Variants in SPNS3 observed in about 807,000 individuals in gnomAD.
SPNS3 encodes SPNS lysolipid transporter 3, sphingosine-1-phosphate (putative), also known as protein spinster homolog 3.
Under a neutral mutation model 54.4 loss-of-function variants are expected in SPNS3, and 51 were observed. The ratio of observed to expected loss-of-function variants is 0.94; its 90% CI spans 0.75 to 1.18. The LOEUF (loss-of-function observed/expected upper bound fraction) is 1.18, where lower values mean the gene tolerates loss of function less well. SPNS3 is among the 50% of genes most tolerant of loss of function. The pLI, the probability that SPNS3 is intolerant of heterozygous loss-of-function variation, is 0.00. For synonymous variants in SPNS3, 309 were observed against 294.7 expected (o/e 1.05, Z -0.50); for missense variants, 669 against 677.4 (o/e 0.99, Z 0.14).
Position 4,486,495 on chromosome 17 carries a change from C to T in SPNS3, c.1362C>T (p.Ala454=). The T allele has an allele frequency of 1.9e-6, 3 of 1,613,706 alleles. No individual in the cohort carries two copies. The highest frequency in any genetic ancestry group is 2.5e-6 in the Non-Finnish European group (3 of 1,179,968). ...TGCAGCAGAGCTTCCTGTGCTGCGC[C>T]TTTGTCATCGCCCTGGGGGGCGGCT... The part of the protein sequence containing the change: ...RSLQQSFLCC[A]FVIALGGGCF... Residue 454 remains alanine, a synonymous_variant, in exon 11 of 12, where the codon GCC becomes GCT. Transcript: ENST00000355530. This position sits in a 1 kb window ranked among gnomAD's most constrained non-coding sequence, Gnocchi z 5.5.
intron 8 of SPNS3, among the ~76,000 whole-genome samples, chr17:4,459,458 C>T (rs1971433204): frequency 6.6e-6 from 1 of 152,012 alleles, no homozygotes; most frequent in Admixed American, 6.6e-5. Context: ...ATACATGTAA[C>T]CCCAGCACTT....
Position 4,486,561 on chromosome 17 carries a change from C to G in SPNS3, c.1428C>G (p.Thr476=), listed in dbSNP as rs1373423458. 3 of 1,612,412 alleles carry G rather than the reference C, an allele frequency of 1.9e-6. No individual in the cohort carries two copies. Among genetic ancestry groups the G allele is most frequent in the East Asian group, 4.5e-5 (2 of 44,882 alleles). ...LTALYLERDE[T]RAWQPVTGTP... Reference sequence around the variant, plus strand: ...CGCTGTACCTGGAGAGAGACGAGACCCGGGCCTGGCAGCCTGTCACAGGTA... The same window carrying G: ...CGCTGTACCTGGAGAGAGACGAGACGCGGGCCTGGCAGCCTGTCACAGGTA... The change falls in exon 11 of 12, where the codon ACC becomes ACG. Residue 476 remains threonine (T), a synonymous_variant. Transcript: ENST00000355530. This position sits in a 1 kb window ranked among gnomAD's most constrained non-coding sequence, Gnocchi z 5.5.
At chr17:4,439,626 C>T (rs1431882202) in intron 1 of SPNS3, 32 bp from the exon 2 acceptor site, 1 of 1,604,512 alleles carries the variant, frequency 6.2e-7, no homozygotes, top group Non-Finnish European at 8.5e-7. Context: ...GGGCTACTTC[C>T]CGTTTCCTGA....
At chr17:4,465,530 C>T (rs1272308018) in intron 8 of SPNS3, among the ~76,000 whole-genome samples, 1 of 152,022 alleles carries the variant, frequency 6.6e-6, no homozygotes, top group Non-Finnish European at 1.5e-5. Flanking sequence ...GAGTTCAAGA[C>T]CAGCTTAGCC....
chr17:4,435,697 C>G (rs915360527), intron 1 of SPNS3, among the ~76,000 whole-genome samples: 1 of 152,076 alleles, frequency 6.6e-6, no homozygotes, highest in Non-Finnish European at 1.5e-5. Context: ...TGCCTTCCTT[C>G]TTGCAGGCTT....
intron 8 of SPNS3, among the ~76,000 whole-genome samples, chr17:4,474,788 T>A (rs1971945420): frequency 6.6e-6 from 1 of 152,228 alleles, no homozygotes; most frequent in Non-Finnish European, 1.5e-5. Context: ...CAGGCTGTTT[T>A]TCGGCAAGTC....
intron 8 of SPNS3, among the ~76,000 whole-genome samples, chr17:4,456,723 T>G (rs142295582): frequency 2.7e-5 from 4 of 147,726 alleles, no homozygotes; most frequent in South Asian, 2.2e-4. Flanking sequence ...TTTTTTTTGG[T>G]TTTTTTTTTG....
At chr17:4,437,063 G>A (rs2143972130) in intron 1 of SPNS3, among the ~76,000 whole-genome samples, 2 of 152,336 alleles carry the variant, frequency 1.3e-5, no homozygotes, top group South Asian at 4.1e-4. Flanking sequence ...GGGGGCTGTG[G>A]TTACTGTGGG....
At chr17:4,477,514 C>A (rs1972035532) in intron 8 of SPNS3, among the ~76,000 whole-genome samples, 1 of 152,184 alleles carries the variant, frequency 6.6e-6, no homozygotes, top group Non-Finnish European at 1.5e-5. Context: ...CTTCTTGCTG[C>A]TTCATTAAAC....
chr17:4,487,825 T>G lies in SPNS3; in HGVS notation c.1470T>G (p.Asp490Glu). The change falls in exon 12 of 12, where the codon GAT becomes GAG. Residue 490 changes from aspartate to glutamate, a missense_variant. Coordinates refer to ENST00000355530, the MANE Select transcript of SPNS3 (RefSeq NM_182538.5). ...QPVTGTPDSN[D>E]VDSNDLERQG... ...CTGCAGGGACCCCAGACAGCAATGA[T>G]GTGGACAGCAACGACCTGGAGAGAC... is the stretch of plus-strand genomic sequence containing the variant. 1 of 1,614,118 alleles carries G rather than the reference T, an allele frequency of 6.2e-7. No individual in the cohort carries two copies. Among genetic ancestry groups the G allele is most frequent in the Non-Finnish European group, 8.5e-7 (1 of 1,179,916 alleles).
intron 8 of SPNS3, among the ~76,000 whole-genome samples, chr17:4,460,240 G>A (rs1202664585): frequency 6.6e-6 from 1 of 152,108 alleles, no homozygotes; most frequent in East Asian, 1.9e-4. Context: ...GTGAGATGGA[G>A]TTTTGTTCTA....
At chr17:4,453,736 T>C (rs1035125587) in intron 8 of SPNS3, among the ~76,000 whole-genome samples, 1 of 152,210 alleles carries the variant, frequency 6.6e-6, no homozygotes, top group East Asian at 1.9e-4. Context: ...ATTGGGTTAA[T>C]GTGTTAATTT....
chr17:4,484,909 G>A (rs1972269174), intron 9 of SPNS3: 1 of 152,068 alleles, frequency 6.6e-6, no homozygotes, highest in Non-Finnish European at 1.5e-5. Flanking sequence ...AGAAATTAAG[G>A]GTCTTTGTTG....
intron 9 of SPNS3, among the ~76,000 whole-genome samples, chr17:4,484,575 T>A (rs1396829221): frequency 1.3e-5 from 2 of 152,078 alleles, no homozygotes; most frequent in African/African-American, 2.4e-5. Flanking sequence ...CCTGCCTCAG[T>A]CTCCCAAAGT....
intron 2 of SPNS3, among the ~76,000 whole-genome samples, chr17:4,442,478 A>G (rs1208830547): frequency 6.6e-6 from 1 of 151,978 alleles, no homozygotes. Flanking sequence ...GGTTGCAGTG[A>G]GCTGAGATCG....
At chr17:4,437,350 T>G (rs1462891973) in intron 1 of SPNS3, among the ~76,000 whole-genome samples, 2 of 152,202 alleles carry the variant, frequency 1.3e-5, no homozygotes, top group Non-Finnish European at 2.9e-5. Flanking sequence ...TTATTTTGCT[T>G]ACCTGTGTTG....
intron 8 of SPNS3, among the ~76,000 whole-genome samples, chr17:4,465,873 G>A (rs751585524): frequency 2.0e-5 from 3 of 152,200 alleles, no homozygotes; most frequent in Admixed American, 6.5e-5. Context: ...TGTCCCCTGG[G>A]CCCTGCCGAC....
intron 8 of SPNS3, among the ~76,000 whole-genome samples, chr17:4,472,060 T>C (rs1206411224): frequency 1.3e-5 from 2 of 151,898 alleles, no homozygotes; most frequent in Non-Finnish European, 2.9e-5. Context: ...GGTTTTACCA[T>C]GTTGACCAGG....
chr17:4,484,398 A>C (rs978777865), intron 9 of SPNS3, among the ~76,000 whole-genome samples: 5 of 152,172 alleles, frequency 3.3e-5, no homozygotes, highest in Admixed American at 1.3e-4. Context: ...TCGGCTCACT[A>C]GAACCTCCAC....
Sources: allele counts gnomAD v4.1 joint callset (sites outside exome capture counted in the v4.1 genomes callset), GRCh38; gene constraint gnomAD v4.1.1; non-coding constraint Gnocchi (gnomAD v3.1); transcripts MANE v1.5; gene names NCBI Gene and HGNC (gene_info 2026-07-23, HGNC 2026-07-21).